Variants in DAAM2 observed in about 807,000 individuals in gnomAD.
DAAM2 encodes disheveled-associated activator of morphogenesis 2.
In DAAM2, 39 loss-of-function variants were observed where a neutral mutation model predicts 120.7. The observed-to-expected ratio is 0.32, with a 90% CI of 0.25 to 0.42. The LOEUF is 0.42. DAAM2 is among the 10% of genes least tolerant of loss of function. The probability of loss-of-function intolerance (pLI) is 1.00; values close to 1 mark genes in which losing one functional copy is unlikely to be tolerated. For missense variants in DAAM2, 1,283 were observed against 1,401.7 expected (o/e 0.92, Z 1.35); for synonymous variants, 488 against 524.9 (o/e 0.93, Z 0.96).
At chr6:39,884,150 G>A in intron 15 of DAAM2, 81 bp downstream of exon 15, 3 of 754,548 alleles carry the variant, frequency 4.0e-6, no homozygotes, top group Non-Finnish European at 6.8e-6. Context: ...CTGCCTGCCT[G>A]CCTTCCTTTC....
chr6:39,903,751 G>C lies in DAAM2; in HGVS notation c.*1714G>C, dbSNP rs35698897. On this transcript the variant is annotated 3_prime_UTR_variant, in exon 25 of 25. Transcript: ENST00000274867. The stretch of plus-strand genomic sequence containing the variant: ...GGGGCTGGGACCGTAGTAGCTGCGG[G>C]GGGGAAGAAACACAGGGTCGGTGAG... The C allele has an allele frequency of 5.2e-4, 88 of 168,330 alleles. No individual in the cohort carries two copies. The highest frequency in any genetic ancestry group is 3.2e-4 in the South Asian group (2 of 6,260). The allele number at this position is 168,330 out of a possible 1,614,324, so 10.4% of individuals were successfully genotyped here.
Position 39,902,224 on chromosome 6 carries a change from T to A in DAAM2, c.*187T>A. Reference sequence around the variant, plus strand: ...CGCTTACCTTAAGGGGCTCCTCTTATCTCCCCTTCACATGATTCCTTCTGT... The same window carrying A: ...CGCTTACCTTAAGGGGCTCCTCTTAACTCCCCTTCACATGATTCCTTCTGT... On this transcript the variant is annotated 3_prime_UTR_variant, in exon 25 of 25. Coordinates refer to ENST00000274867, the MANE Select transcript of DAAM2 (RefSeq NM_001201427.2). The A allele has an allele frequency of 2.1e-6, 1 of 473,984 alleles. No individual in the cohort carries two copies. Among genetic ancestry groups the A allele is most frequent in the South Asian group, 4.3e-5 (1 of 23,466 alleles). 29.4% of individuals were successfully genotyped at this position (473,984 alleles called of 1,614,324 possible).
In DAAM2 at chr6:39,795,011, G is replaced by A. The variant is rs1329972203; in HGVS notation, c.-57+2546G>A. On this transcript the variant is annotated intron_variant, in intron 1 of 24. Transcript: ENST00000274867. ...ACTCTTTCTACATGTGGGGTTTCTG[G>A]GAGTGCTGCATGTGGGATCAGTGGA... Among the ~76,000 whole-genome samples, 5 of 152,176 alleles carry A rather than the reference G, an allele frequency of 3.3e-5. No individual in the cohort carries two copies. The South Asian group carries it at 8.3e-4, about 25-fold the overall frequency.
intron 2 of DAAM2, among the ~76,000 whole-genome samples, chr6:39,860,607 G>A (rs947694655): frequency 6.6e-6 from 1 of 152,176 alleles, no homozygotes; most frequent in Non-Finnish European, 1.5e-5. Flanking sequence ...AGAGGATCAG[G>A]AGCTAGCAAA....
At chr6:39,898,760 C>A (rs1207193616) in intron 21 of DAAM2, 117 bp from the exon 22 acceptor site, 8 of 850,304 alleles carry the variant, frequency 9.4e-6, no homozygotes, top group Non-Finnish European at 1.6e-5. Flanking sequence ...GGCTGGAACC[C>A]AGGCTCACCG....
At chr6:39,864,374 A>G (rs1764333674) in intron 3 of DAAM2, 59 bp from the exon 4 acceptor site, 4 of 1,350,314 alleles carry the variant, frequency 3.0e-6, no homozygotes, top group Non-Finnish European at 4.2e-6. Context: ...GAAGCTCAGG[A>G]TCTCAGGCCA....
intron 10 of DAAM2, 106 bp from the exon 11 acceptor site, chr6:39,875,224 T>G: frequency 1.6e-6 from 2 of 1,243,236 alleles, no homozygotes; most frequent in East Asian, 4.8e-5. Flanking sequence ...TTACCATAGG[T>G]GGAGAAGGGC....
At chr6:39,865,625 A>C (rs957255435) in intron 5 of DAAM2, among the ~76,000 whole-genome samples, 1 of 152,176 alleles carries the variant, frequency 6.6e-6, no homozygotes, top group African/African-American at 2.4e-5. Flanking sequence ...GTGGGGCCCA[A>C]AGTGGGGCTC....
chr6:39,904,722 C>G lies in DAAM2; in HGVS notation c.*2685C>G. ...TCTCCCCCGACTTCTACCAGGGATG[C>G]CTTCACGCCAAGGCTGTTCTCACCA... is the stretch of plus-strand genomic sequence containing the variant. On this transcript the variant is annotated 3_prime_UTR_variant, in exon 25 of 25. Transcript: ENST00000274867. The G allele has an allele frequency of 4.4e-6, 2 of 454,142 alleles. No homozygotes were observed. Among genetic ancestry groups the G allele is most frequent in the Non-Finnish European group, 8.8e-6 (2 of 226,788 alleles). 28.1% of individuals were successfully genotyped at this position (454,142 alleles called of 1,614,324 possible).
At chr6:39,851,868 C>T (rs1366226251) in intron 1 of DAAM2, among the ~76,000 whole-genome samples, 1 of 152,218 alleles carries the variant, frequency 6.6e-6, no homozygotes, top group African/African-American at 2.4e-5. Context: ...ACACCATGGC[C>T]TGCTGAACTC....
At chr6:39,882,757 T>G (rs1412281795) in intron 14 of DAAM2, among the ~76,000 whole-genome samples, 1 of 151,768 alleles carries the variant, frequency 6.6e-6, no homozygotes, top group Non-Finnish European at 1.5e-5. Flanking sequence ...ACACAGTGGT[T>G]GTTTCTGCCA....
intron 1 of DAAM2, chr6:39,822,476 G>A (rs1274785706): frequency 1.3e-5 from 2 of 152,206 alleles, no homozygotes; most frequent in African/African-American, 4.8e-5. Flanking sequence ...TTGGGAAGGT[G>A]TGCAGAGCTG....
intron 1 of DAAM2, among the ~76,000 whole-genome samples, chr6:39,855,381 A>G (rs1043629446): frequency 2.6e-5 from 4 of 152,264 alleles, no homozygotes; most frequent in Admixed American, 2.6e-4. Context: ...TTTCTGTCCA[A>G]TGACTACTCA....
At chr6:39,846,447 G>C (rs1303976048) in intron 1 of DAAM2, among the ~76,000 whole-genome samples, 1 of 152,204 alleles carries the variant, frequency 6.6e-6, no homozygotes, top group African/African-American at 2.4e-5. Context: ...AGGGCCCAAA[G>C]TACTTATGTT....
intron 5 of DAAM2, among the ~76,000 whole-genome samples, chr6:39,865,696 G>A (rs574774652): frequency 1.3e-5 from 2 of 152,332 alleles, no homozygotes; most frequent in African/African-American, 4.8e-5. Flanking sequence ...GGCGAATGCT[G>A]AGTGTCAAAT....
chr6:39,798,775 C>G (rs1379182908), intron 1 of DAAM2, among the ~76,000 whole-genome samples: 1 of 152,152 alleles, frequency 6.6e-6, no homozygotes, highest in Non-Finnish European at 1.5e-5. Flanking sequence ...AAGGCCTGCT[C>G]AGGTGTCCCT....
chr6:39,812,201 T>A (rs1053233756), intron 1 of DAAM2, among the ~76,000 whole-genome samples: 30 of 152,304 alleles, frequency 2.0e-4, no homozygotes, highest in African/African-American at 7.2e-4. Flanking sequence ...GCTGTTCTCC[T>A]ATGAAGGGTT....
chr6:39,870,581 G>A, intron 8 of DAAM2, 138 bp downstream of exon 8: 1 of 653,880 alleles, frequency 1.5e-6, no homozygotes, highest in Non-Finnish European at 2.7e-6. Flanking sequence ...AATCAGCTCT[G>A]TGGGGGGAAG....
At chr6:39,818,495 T>C (rs1381336931) in intron 1 of DAAM2, among the ~76,000 whole-genome samples, 1 of 152,208 alleles carries the variant, frequency 6.6e-6, no homozygotes, top group African/African-American at 2.4e-5. Flanking sequence ...ACTAACACAA[T>C]GCAGAAATAG....
Sources: gnomAD v4.1 joint callset for allele counts (sites outside exome capture counted in the v4.1 genomes callset) on GRCh38, gnomAD v4.1.1 for gene constraint, MANE v1.5 for transcripts, NCBI Gene and HGNC (gene_info 2026-07-23, HGNC 2026-07-21) for gene names.